The following CCDC178 variants were observed in gnomAD, a reference collection of about 807,000 sequenced individuals.
CCDC178 encodes the protein coiled-coil domain-containing protein 178.
A neutral mutation model predicts 117.4 loss-of-function variants in CCDC178; 126 were observed. The ratio of observed to expected loss-of-function variants is 1.07; its 90% confidence interval spans 0.93 to 1.24. CCDC178 has a LOEUF of 1.24. Ranked by LOEUF, CCDC178 falls within the 50% of genes most tolerant of loss-of-function variation. The probability of loss-of-function intolerance (pLI) is 0.00; values close to 1 mark genes in which losing one functional copy is unlikely to be tolerated. For missense variants in CCDC178, 1,030 were observed against 986.9 expected (o/e 1.04, Z -0.59); for synonymous variants, 283 against 313.4 (o/e 0.90, Z 1.02).
In CCDC178 at chr18:33,293,291, G is replaced by C; in HGVS notation, c.1044C>G (p.Asn348Lys). Reference sequence around the variant, plus strand: ...ATGAAGAGTAATGATCAAATAGACTGTTAAGTTGATATATCTCTCTCCTAG... The same window carrying C: ...ATGAAGAGTAATGATCAAATAGACTCTTAAGTTGATATATCTCTCTCCTAG... ...EAYKREIYQL[N>K]SLFDHYSSSV... Residue 348 changes from asparagine (N) to lysine (K), a missense_variant, in exon 12 of 23, where the codon AAC (asparagine) becomes AAG (lysine). Physicochemically the swap from Asn to Lys is moderately conservative, Grantham distance 94 (BLOSUM62 0). Coordinates refer to ENST00000383096, the MANE Select transcript of CCDC178 (RefSeq NM_001105528.4). 6.6e-7 allele frequency: 1 copy of C among 1,516,206 alleles called. No homozygotes were observed. The highest frequency in any genetic ancestry group is 9.1e-7 in the Non-Finnish European group (1 of 1,100,580). 93.9% of individuals were successfully genotyped at this position (1,516,206 alleles called of 1,614,324 possible).
intron 20 of CCDC178, among the ~76,000 whole-genome samples, chr18:33,146,540 TACA>T (rs941704212): frequency 4.6e-5 from 7 of 152,178 alleles, no homozygotes; most frequent in Admixed American, 4.6e-4. Context: ...TATGGGAAGC[TACA>T]TGGGAGGCTG....
intron 21 of CCDC178, among the ~76,000 whole-genome samples, chr18:33,006,558 G>A (rs1351796035): frequency 1.3e-5 from 2 of 152,018 alleles, no homozygotes; most frequent in Non-Finnish European, 2.9e-5. Context: ...ACTGAGGTAG[G>A]GAGAGTTCCA....
At chr18:33,171,877 CT>C (rs1337627491) in intron 20 of CCDC178, among the ~76,000 whole-genome samples, 5 of 152,256 alleles carry the variant, frequency 3.3e-5, no homozygotes, top group African/African-American at 1.2e-4. Flanking sequence ...CAAACAACTT[CT>C]ATTTACTCAT....
chr18:33,064,940 T>C (rs1251614616), intron 21 of CCDC178, among the ~76,000 whole-genome samples: 2 of 150,750 alleles, frequency 1.3e-5, no homozygotes, highest in African/African-American at 2.4e-5. Context: ...TGAGACGACA[T>C]GGATTGAACT....
At chr18:33,003,002 C>T (rs947486044) in intron 21 of CCDC178, among the ~76,000 whole-genome samples, 2 of 151,934 alleles carry the variant, frequency 1.3e-5, no homozygotes, top group African/African-American at 4.8e-5. Context: ...CTGAACAGAC[C>T]AAAAGCAAAT....
At chr18:33,123,404 T>C (rs752927528) in intron 20 of CCDC178, among the ~76,000 whole-genome samples, 40 of 152,148 alleles carry the variant, frequency 2.6e-4, no homozygotes, top group Non-Finnish European at 4.9e-4. Flanking sequence ...TTCCTTCAAA[T>C]ATACAAATTC....
At chr18:33,009,737 G>C (rs151210966) in intron 21 of CCDC178, among the ~76,000 whole-genome samples, 6 of 151,936 alleles carry the variant, frequency 3.9e-5, no homozygotes, top group Admixed American at 3.9e-4. Context: ...ATTTACTATC[G>C]TAATGCAAAC....
At chr18:33,234,486 A>C (rs2144659570) in intron 15 of CCDC178, among the ~76,000 whole-genome samples, 1 of 152,282 alleles carries the variant, frequency 6.6e-6, no homozygotes, top group South Asian at 2.1e-4. Flanking sequence ...GGAAGTGATT[A>C]TCCTAGAAAC....
chr18:33,255,498 T>C (rs760877465), intron 14 of CCDC178, among the ~76,000 whole-genome samples: 2 of 151,906 alleles, frequency 1.3e-5, no homozygotes, highest in Non-Finnish European at 1.5e-5. Context: ...GTAATTGAAA[T>C]AGAGAAAAAG....
intron 20 of CCDC178, among the ~76,000 whole-genome samples, chr18:33,189,338 G>A (rs1171406638): frequency 9.2e-6 from 1 of 108,514 alleles, no homozygotes; most frequent in South Asian, 2.4e-4. Context: ...ATATGTGAAC[G>A]ATGACCAGTT....
At chr18:33,318,409 G>A (rs1051446772) in intron 11 of CCDC178, among the ~76,000 whole-genome samples, 1 of 152,168 alleles carries the variant, frequency 6.6e-6, no homozygotes, top group African/African-American at 2.4e-5. Context: ...GGTTGCCAAG[G>A]TGCAGTCATA....
chr18:33,176,138 C>T (rs1428022852), intron 20 of CCDC178, among the ~76,000 whole-genome samples: 4 of 152,130 alleles, frequency 2.6e-5, no homozygotes, highest in Non-Finnish European at 5.9e-5. Flanking sequence ...CACCTGATAA[C>T]CTTTCATTTT....
At chr18:32,946,608 T>C (rs764654865) in intron 22 of CCDC178, among the ~76,000 whole-genome samples, 10 of 152,062 alleles carry the variant, frequency 6.6e-5, no homozygotes, top group Middle Eastern at 3.2e-3. Flanking sequence ...TTTTAGAACC[T>C]AGTCCGGTGC....
At position 33,340,071 on chromosome 18, in the gene CCDC178, G is replaced by A. The variant is rs117783260; in HGVS notation, c.658+6140C>T. The stretch of plus-strand genomic sequence containing the variant: ...GTGGGAAAGTTTGGAACCCCCTAGA[G>A]ACTTGCTGAATGGCTTTGACAAAAA... On this transcript the variant is annotated intron_variant, in intron 9 of 22. Coordinates refer to ENST00000383096, the MANE Select transcript of CCDC178 (RefSeq NM_001105528.4). 8.6e-3 allele frequency among the ~76,000 whole-genome samples: 1,313 copies of A among 152,226 alleles called. 10 individuals are homozygous for A. Among genetic ancestry groups the A allele is most frequent in the South Asian group, 0.016 (75 of 4,822 alleles).
intron 6 of CCDC178, among the ~76,000 whole-genome samples, chr18:33,362,615 C>T (rs781397941): frequency 2.0e-5 from 3 of 151,718 alleles, no homozygotes; most frequent in Non-Finnish European, 2.9e-5. Context: ...ATATGTTAGC[C>T]GGCTTCACTA....
intron 2 of CCDC178, among the ~76,000 whole-genome samples, chr18:33,430,815 G>C (rs761659361): frequency 4.6e-5 from 7 of 152,180 alleles, no homozygotes; most frequent in African/African-American, 1.4e-4. Context: ...GCTCATGCCT[G>C]TAATCCCAGC....
At chr18:33,178,760 T>C (rs561273916) in intron 20 of CCDC178, among the ~76,000 whole-genome samples, 1 of 152,150 alleles carries the variant, frequency 6.6e-6, no homozygotes, top group East Asian at 1.9e-4. Flanking sequence ...GGCTAGCTCC[T>C]ACATATTCTT....
chr18:33,220,024 T>G (rs1375308525), intron 18 of CCDC178, among the ~76,000 whole-genome samples: 1 of 152,052 alleles, frequency 6.6e-6, no homozygotes, highest in Non-Finnish European at 1.5e-5. Flanking sequence ...TGGGGAAATA[T>G]TTCTAATTTG....
chr18:33,151,438 G>A (rs2144342744), intron 20 of CCDC178, among the ~76,000 whole-genome samples: 1 of 152,130 alleles, frequency 6.6e-6, no homozygotes, highest in African/African-American at 2.4e-5. Context: ...AACAAATGCG[G>A]AAAAGCTTAA....
Sources: allele counts gnomAD v4.1 joint callset (sites outside exome capture counted in the v4.1 genomes callset), GRCh38; gene constraint gnomAD v4.1.1; transcripts MANE v1.5; gene names NCBI Gene and HGNC (gene_info 2026-07-23, HGNC 2026-07-21).